RASEF: variants seen among roughly 807,000 people sequenced by gnomAD.
RASEF encodes the protein ras and EF-hand domain-containing protein.
Under a neutral mutation model 90.1 loss-of-function variants are expected in RASEF, and 68 were observed. The observed-to-expected ratio is 0.75, with a 90% CI of 0.62 to 0.92. The LOEUF (loss-of-function observed/expected upper bound fraction) is 0.92, where lower values mean the gene tolerates loss of function less well. Ranked by LOEUF, RASEF falls within the 40% of genes least tolerant of loss-of-function variation. RASEF has a pLI of 0.00. For synonymous variants in RASEF, 331 were observed against 345.2 expected (o/e 0.96, Z 0.46); for missense variants, 949 against 937.2 (o/e 1.01, Z -0.16).
chr9:83,216,893 A>C, the RASEF span, among the ~76,000 whole-genome samples: 123 of 152,232 alleles, frequency 8.1e-4, no homozygotes, highest in Non-Finnish European at 1.4e-3. Flanking sequence ...CCAGAATGGT[A>C]GATCCACTAA....
the RASEF span, among the ~76,000 whole-genome samples, chr9:83,167,966 G>A: frequency 6.6e-6 from 1 of 152,076 alleles, no homozygotes; most frequent in African/African-American, 2.4e-5. Flanking sequence ...TGCCTCAATG[G>A]ACATTCATGT....
chr9:83,133,342 A>G, the RASEF span, among the ~76,000 whole-genome samples: 1 of 152,214 alleles, frequency 6.6e-6, no homozygotes, highest in Non-Finnish European at 1.5e-5. Context: ...AAGAGACAAC[A>G]TTGAAAAATT....
chr9:83,048,246 A>C, intron 1 of RASEF: 1 of 985,374 alleles, frequency 1.0e-6, no homozygotes, highest in Non-Finnish European at 1.2e-6. Flanking sequence ...CTGGACTACA[A>C]AAGAAAGTTT....
At chr9:83,212,580 T>C in the RASEF span, among the ~76,000 whole-genome samples, 1 of 152,250 alleles carries the variant, frequency 6.6e-6, no homozygotes, top group East Asian at 1.9e-4. Flanking sequence ...CATTCCTTCT[T>C]GAATGACAGA....
At chr9:83,034,037 C>A (rs1451212560) in intron 1 of RASEF, among the ~76,000 whole-genome samples, 1 of 152,178 alleles carries the variant, frequency 6.6e-6, no homozygotes, top group Admixed American at 6.5e-5. Context: ...CCAGAATAAA[C>A]CCCAAATTAA....
the RASEF span, among the ~76,000 whole-genome samples, chr9:83,161,683 AG>A: frequency 3.0e-4 from 9 of 30,148 alleles, no homozygotes; most frequent in African/African-American, 1.4e-3. Flanking sequence ...GGGAGGGGAC[AG>A]GGGCCAAATG....
intron 1 of RASEF, among the ~76,000 whole-genome samples, chr9:83,057,771 G>A (rs900963107): frequency 3.3e-5 from 5 of 150,750 alleles, no homozygotes; most frequent in Admixed American, 2.7e-4. Flanking sequence ...AGACATTACT[G>A]GCCATGAGCA....
chr9:83,073,785 A>G, the RASEF span, among the ~76,000 whole-genome samples: 1 of 152,250 alleles, frequency 6.6e-6, no homozygotes, highest in African/African-American at 2.4e-5. Context: ...ACAATATGCC[A>G]ATTAGTAGTA....
the RASEF span, among the ~76,000 whole-genome samples, chr9:83,100,002 T>C: frequency 3.3e-5 from 5 of 152,344 alleles, no homozygotes. Flanking sequence ...TCCAACATTA[T>C]GTACATATTG....
Position 83,062,534 on chromosome 9 carries a change from C to T in RASEF, c.334G>A (p.Ala112Thr), listed in dbSNP as rs759661598. 1 of 1,607,820 alleles carries T rather than the reference C, an allele frequency of 6.2e-7. No individual in the cohort carries two copies. Reference protein sequence around the residue: ...SEEDEGDEDAAAALATSCGPA... With the variant: ...SEEDEGDEDATAALATSCGPA... ...CCGCACGAGGTGGCCAGCGCCGCCG[C>T]CGCGTCCTCGTCGCCTTCGTCCTCC... The change falls in exon 1 of 17, where the codon GCG (alanine) becomes ACG (threonine). Residue 112 changes from alanine to threonine, a missense_variant. Physicochemically the swap from Ala to Thr is moderately conservative, Grantham distance 58 (BLOSUM62 0). This residue lies in a region of RASEF where 656 missense variants were observed against 592.2 expected (regional missense o/e 1.11). Coordinates refer to ENST00000376447, the MANE Select transcript of RASEF (RefSeq NM_152573.4).
intron 1 of RASEF, among the ~76,000 whole-genome samples, chr9:83,047,406 A>G (rs1829953362): frequency 6.6e-6 from 1 of 152,244 alleles, no homozygotes; most frequent in Non-Finnish European, 1.5e-5. Flanking sequence ...ATGAAAGAAA[A>G]CAATACTACA....
the RASEF span, among the ~76,000 whole-genome samples, chr9:83,162,588 C>G: frequency 6.6e-6 from 1 of 152,204 alleles, no homozygotes; most frequent in Non-Finnish European, 1.5e-5. Flanking sequence ...TTGAAAGTCA[C>G]TACTCCATCC....
intron 5 of RASEF, 121 bp downstream of exon 5, chr9:83,012,313 A>G: frequency 4.0e-6 from 2 of 502,046 alleles, no homozygotes; most frequent in Non-Finnish European, 7.0e-6. Context: ...TATTTTAAGG[A>G]CTTTTTCTAA....
chr9:83,165,570 T>G, the RASEF span, among the ~76,000 whole-genome samples: 2 of 152,082 alleles, frequency 1.3e-5, no homozygotes, highest in African/African-American at 4.8e-5. Context: ...AAATCAATTA[T>G]CTAAGCTCCC....
chr9:82,997,007 C>G lies in RASEF; in HGVS notation c.1920+5G>C. On this transcript the variant is annotated splice_donor_5th_base_variant and intron_variant, in intron 14 of 16. Transcript: ENST00000376447. The stretch of plus-strand genomic sequence containing the variant: ...ATTTTCTGTTTCTCCATTATGATTT[C>G]TTACCTCAATCATATCTACCCATTC... 6.7e-7 allele frequency: 1 copy of G among 1,499,232 alleles called. No individual in the cohort carries two copies. Among genetic ancestry groups the G allele is most frequent in the East Asian group, 2.3e-5 (1 of 44,314 alleles). 92.9% of individuals were successfully genotyped at this position (1,499,232 alleles called of 1,614,324 possible).
chr9:83,182,483 T>G, the RASEF span, among the ~76,000 whole-genome samples: 3 of 152,206 alleles, frequency 2.0e-5, no homozygotes, highest in African/African-American at 7.2e-5. Flanking sequence ...CAACCAAAAA[T>G]TACACTGTAA....
At chr9:83,185,488 G>A in the RASEF span, among the ~76,000 whole-genome samples, 1 of 151,964 alleles carries the variant, frequency 6.6e-6, no homozygotes, top group Non-Finnish European at 1.5e-5. Flanking sequence ...AAGAAGCACA[G>A]TCAATTATCA....
the RASEF span, among the ~76,000 whole-genome samples, chr9:83,177,620 T>C: frequency 6.6e-6 from 1 of 151,900 alleles, no homozygotes. Flanking sequence ...TAGTTGTTTT[T>C]TTTTTTATTT....
At chr9:83,200,335 G>T in the RASEF span, among the ~76,000 whole-genome samples, 1 of 152,144 alleles carries the variant, frequency 6.6e-6, no homozygotes, top group African/African-American at 2.4e-5. Flanking sequence ...GGCGGAGGGT[G>T]CAGTGAGCCA....
Sources: allele counts gnomAD v4.1 joint callset (sites outside exome capture counted in the v4.1 genomes callset), GRCh38; gene constraint gnomAD v4.1.1; regional missense constraint gnomAD v4.1.1; transcripts MANE v1.5; gene names NCBI Gene and HGNC (gene_info 2026-07-23, HGNC 2026-07-21).